The following CLTRN variants were observed in gnomAD, a reference collection of about 807,000 sequenced individuals.
The protein encoded by CLTRN is collectrin.
In CLTRN, 12 loss-of-function variants were observed where a neutral mutation model predicts 14.5. The observed-to-expected ratio is 0.83, with a 90% CI of 0.53 to 1.34. CLTRN has a LOEUF of 1.34. Ranked by LOEUF, CLTRN falls within the 40% of genes most tolerant of loss-of-function variation. The pLI is 0.00. For missense variants in CLTRN, 154 were observed against 165.1 expected, an observed-to-expected ratio of 0.93 and a Z score of 0.37; for synonymous variants, 58 against 56.5, an observed-to-expected ratio of 1.03 and a Z score of -0.12.
At chrX:15,629,563 T>C (rs1379843088) in intron 5 of CLTRN, among the ~76,000 whole-genome samples, 1 of 111,100 alleles carries the variant, frequency 9.0e-6, no homozygotes, top group Non-Finnish European at 1.9e-5. Context: ...AAAAAGAATA[T>C]GGTGGAAGAA....
chrX:15,657,269 G>T (rs749347651), intron 3 of CLTRN, among the ~76,000 whole-genome samples: 1 of 112,351 alleles, frequency 8.9e-6, no homozygotes, highest in Non-Finnish European at 1.9e-5. Flanking sequence ...CAAAGTTTTG[G>T]GATTGGAGGC....
intron 3 of CLTRN, among the ~76,000 whole-genome samples, chrX:15,651,746 G>A (rs1190548817): frequency 9.0e-6 from 1 of 111,338 alleles, no homozygotes; most frequent in Non-Finnish European, 1.9e-5. Context: ...CGTGGATTCA[G>A]CAAGTGATTG....
chrX:15,660,641 CA>C (rs766646397), intron 2 of CLTRN, among the ~76,000 whole-genome samples: 989 of 85,881 alleles, frequency 0.012, 17 homozygotes, highest in Admixed American at 0.08. Context: ...CCATCTCTAC[CA>C]AAAAAAAAAA....
At chrX:15,629,453 C>T (rs1474597124) in intron 5 of CLTRN, among the ~76,000 whole-genome samples, 1 of 111,347 alleles carries the variant, frequency 9.0e-6, no homozygotes, top group Admixed American at 9.5e-5. Context: ...ATCTTTCCCA[C>T]CCACATGATT....
chrX:15,654,798 C>G (rs1340216302), intron 3 of CLTRN, among the ~76,000 whole-genome samples: 2 of 112,400 alleles, frequency 1.8e-5, no homozygotes, highest in Admixed American at 9.4e-5. Flanking sequence ...GGTCTTAGTC[C>G]TCATTCGAAT....
intron 5 of CLTRN, among the ~76,000 whole-genome samples, chrX:15,638,696 T>C (rs1928872804): frequency 8.9e-6 from 1 of 111,869 alleles, no homozygotes; most frequent in Non-Finnish European, 1.9e-5. Flanking sequence ...AACAAAATCA[T>C]GCTGAGAAAT....
chrX:15,640,775 A>C (rs1928923495), intron 4 of CLTRN, among the ~76,000 whole-genome samples: 1 of 112,743 alleles, frequency 8.9e-6, no homozygotes. Context: ...AACTTATTAA[A>C]TATCAAATAC....
intron 3 of CLTRN, chrX:15,646,991 C>T (rs1023896940): frequency 1.1e-4 from 28 of 254,048 alleles, no homozygotes; most frequent in African/African-American, 1.7e-4. Context: ...TCCTGGCGGC[C>T]GCCTGCCCTG....
upstream of CLTRN, among the ~76,000 whole-genome samples, chrX:15,665,226 T>C (rs1428155462): frequency 9.0e-6 from 1 of 111,660 alleles, no homozygotes; most frequent in African/African-American, 3.3e-5. Flanking sequence ...CTCCCTTCTC[T>C]CTGGTAAACA....
chrX:15,667,721 T>C (rs1219868910), upstream of CLTRN, among the ~76,000 whole-genome samples: 2 of 111,660 alleles, frequency 1.8e-5, no homozygotes, highest in African/African-American at 6.5e-5. Context: ...TTGTTGTTTG[T>C]TGTTTTTTTT....
At chrX:15,670,771 A>G (rs1352883953) in intron 1 of CLTRN, among the ~76,000 whole-genome samples, 3 of 109,897 alleles carry the variant, frequency 2.7e-5, no homozygotes, top group Admixed American at 9.8e-5. Context: ...GATGCTGCAA[A>G]ACACCCCCAC....
At chrX:15,645,332 G>A (rs976734213) in intron 3 of CLTRN, among the ~76,000 whole-genome samples, 14 of 111,207 alleles carry the variant, frequency 1.3e-4, no homozygotes, top group Non-Finnish European at 2.3e-4. Context: ...GACAGCCCCC[G>A]TTTCCCCAAT....
At chrX:15,654,958 C>T (rs1186159834) in intron 3 of CLTRN, among the ~76,000 whole-genome samples, 1 of 112,439 alleles carries the variant, frequency 8.9e-6, no homozygotes, top group East Asian at 2.8e-4. Context: ...GGCACTCTGT[C>T]AGCTCCTTCT....
At chrX:15,664,920 A>G (rs1336927644), upstream of CLTRN, 3 of 466,613 alleles carry the variant, frequency 6.4e-6, no homozygotes, top group Non-Finnish European at 1.1e-5. Context: ...ATTAACACCC[A>G]TCATTTGGGT....
intron 2 of CLTRN, among the ~76,000 whole-genome samples, chrX:15,663,902 A>G (rs1447795726): frequency 8.9e-6 from 1 of 112,445 alleles, no homozygotes; most frequent in Non-Finnish European, 1.9e-5. Flanking sequence ...CTTCAGGTTC[A>G]AATTGGAAAT....
At chrX:15,639,508 A>G (rs903185847) in intron 5 of CLTRN, 54 bp downstream of exon 5, 9 of 1,069,098 alleles carry the variant, frequency 8.4e-6, no homozygotes, top group Non-Finnish European at 1.2e-5. Flanking sequence ...GATTTGTCCA[A>G]GTCATGAGGA....
intron 5 of CLTRN, among the ~76,000 whole-genome samples, chrX:15,629,205 A>G (rs1203302052): frequency 9.0e-6 from 1 of 110,968 alleles, no homozygotes; most frequent in Non-Finnish European, 1.9e-5. Context: ...ATAGCAGAAA[A>G]GAATAGATCA....
At chrX:15,635,258 G>T (rs1286107300) in intron 5 of CLTRN, among the ~76,000 whole-genome samples, 4 of 111,631 alleles carry the variant, frequency 3.6e-5, no homozygotes, top group African/African-American at 1.3e-4. Context: ...ACAAATCAGG[G>T]TATTTATTCA....
chrX:15,645,079 G>A, intron 3 of CLTRN, 50 bp from the exon 4 acceptor site: 1 of 795,203 alleles, frequency 1.3e-6, no homozygotes, highest in Non-Finnish European at 1.8e-6. Context: ...CATACCAAAT[G>A]GCATTAAACC....
Sources: gnomAD v4.1 joint callset for allele counts (sites outside exome capture counted in the v4.1 genomes callset) on GRCh38, gnomAD v4.1.1 for gene constraint, MANE v1.5 for transcripts, NCBI Gene and HGNC (gene_info 2026-07-23, HGNC 2026-07-21) for gene names.